PLXDC2: variants seen among roughly 807,000 people sequenced by gnomAD.
PLXDC2 encodes the protein plexin domain containing 2.
PLXDC2 carries 40 observed loss-of-function variants against 68.9 expected under a neutral mutation model. The observed-to-expected ratio is 0.58, with a 90% CI of 0.45 to 0.76. PLXDC2 has a LOEUF of 0.76. Among genes scored for constraint, PLXDC2 ranks in the 30% least tolerant of loss-of-function variants. PLXDC2 has a pLI of 0.00. For missense variants in PLXDC2, 644 were observed against 661.9 expected, an observed-to-expected ratio of 0.97 and a Z score of 0.30; for synonymous variants, 243 against 234.2, an observed-to-expected ratio of 1.04 and a Z score of -0.34.
At chr10:20,021,978 T>G (rs1835319572) in intron 2 of PLXDC2, among the ~76,000 whole-genome samples, 1 of 152,216 alleles carries the variant, frequency 6.6e-6, no homozygotes, top group Non-Finnish European at 1.5e-5. Flanking sequence ...ATTACAGGCG[T>G]GAGCCACCAC....
chr10:19,843,536 G>A lies in PLXDC2; in HGVS notation c.112+26345G>A, dbSNP rs116916567. Among the ~76,000 whole-genome samples, 382 of 152,210 alleles carry A rather than the reference G, an allele frequency of 2.5e-3. 8 individuals are homozygous for A. The East Asian group carries it at 0.055, about 22-fold the overall frequency. ...TTAGAAAATAAGAGAAGTGAGAAAT[G>A]TACAGGAAAAATAAGTAAATAACTA... On this transcript the variant is annotated intron_variant, in intron 1 of 13. Coordinates refer to ENST00000377252, the MANE Select transcript of PLXDC2 (RefSeq NM_032812.9).
At chr10:20,078,062 G>T (rs540267056) in intron 4 of PLXDC2, among the ~76,000 whole-genome samples, 7 of 152,032 alleles carry the variant, frequency 4.6e-5, no homozygotes, top group East Asian at 3.9e-4. Context: ...CATAAGCCAG[G>T]TTTACTGTTC....
At chr10:19,951,812 G>A (rs1247663935) in intron 1 of PLXDC2, among the ~76,000 whole-genome samples, 1 of 152,208 alleles carries the variant, frequency 6.6e-6, no homozygotes, top group East Asian at 1.9e-4. Context: ...CTACTACATA[G>A]CCATAAAAAA....
chr10:20,048,986 A>C (rs1280562697), intron 3 of PLXDC2, among the ~76,000 whole-genome samples: 1 of 152,040 alleles, frequency 6.6e-6, no homozygotes, highest in Admixed American at 6.6e-5. Flanking sequence ...GTTGTAACTT[A>C]CCTGGTGCTC....
intron 1 of PLXDC2, among the ~76,000 whole-genome samples, chr10:19,967,075 A>G (rs752094704): frequency 6.6e-6 from 1 of 152,236 alleles, no homozygotes; most frequent in African/African-American, 2.4e-5. Context: ...TGGAGCAGCC[A>G]ACCTTGTATA....
chr10:20,253,379 A>T (rs539423545), intron 13 of PLXDC2, among the ~76,000 whole-genome samples: 1 of 149,642 alleles, frequency 6.7e-6, no homozygotes, highest in African/African-American at 2.4e-5. Flanking sequence ...TGATAATAAT[A>T]ATAATAATAA....
At chr10:19,917,414 T>TCA (rs1833389071) in intron 1 of PLXDC2, among the ~76,000 whole-genome samples, 3 of 152,318 alleles carry the variant, frequency 2.0e-5, no homozygotes, top group Admixed American at 2.0e-4. Context: ...AAATTGAGCA[T>TCA]CAAAAGTATC....
chr10:20,060,420 A>G (rs1382671715), intron 3 of PLXDC2, among the ~76,000 whole-genome samples: 1 of 151,996 alleles, frequency 6.6e-6, no homozygotes, highest in Non-Finnish European at 1.5e-5. Context: ...TGTTTTATAC[A>G]TTTAGAAGAC....
chr10:20,238,696 C>CACATATATATGTATATATAT (rs1554777594), intron 12 of PLXDC2, among the ~76,000 whole-genome samples: 1 of 113,256 alleles, frequency 8.8e-6, no homozygotes, highest in African/African-American at 3.5e-5. Context: ...TATATATACA[C>CACATATATATGTATATATAT]ACATATATAT....
At position 19,998,817 on chromosome 10, in the gene PLXDC2, A is replaced by T. The variant is rs921946222; in HGVS notation, c.113-2958A>T. On this transcript the variant is annotated intron_variant, in intron 1 of 13. Coordinates refer to ENST00000377252, the MANE Select transcript of PLXDC2 (RefSeq NM_032812.9). The stretch of plus-strand genomic sequence containing the variant: ...ACGCTGCTAAACAGTGGGGGAAAAA[A>T]AAAATCAAACCTCAGCTGTCTAGAG... Among the ~76,000 whole-genome samples the T allele has an allele frequency of 1.4e-3, 208 of 152,182 alleles. 2 individuals are homozygous for T. Among genetic ancestry groups the T allele is most frequent in the Non-Finnish European group, 3.1e-4 (21 of 68,006 alleles).
chr10:19,982,460 T>C (rs1834566344), intron 1 of PLXDC2, among the ~76,000 whole-genome samples: 1 of 152,222 alleles, frequency 6.6e-6, no homozygotes, highest in Non-Finnish European at 1.5e-5. Context: ...AGGCTGCTCT[T>C]TGCAGCCTAA....
intron 1 of PLXDC2, among the ~76,000 whole-genome samples, chr10:19,854,228 C>G (rs1418564422): frequency 6.6e-6 from 1 of 152,214 alleles, no homozygotes; most frequent in Non-Finnish European, 1.5e-5. Flanking sequence ...ATCGGGACAT[C>G]ATATAAACTG....
At position 19,906,721 on chromosome 10, in the gene PLXDC2, A is replaced by C. The variant is rs187185501; in HGVS notation, c.112+89530A>C. The stretch of plus-strand genomic sequence containing the variant: ...TGAGTCAGAAGGCCCCAGCACCAAA[A>C]ATACAGATAATAAAGACATACTTAA... On this transcript the variant is annotated intron_variant, in intron 1 of 13. Coordinates refer to ENST00000377252, the MANE Select transcript of PLXDC2 (RefSeq NM_032812.9). Among the ~76,000 whole-genome samples the C allele has an allele frequency of 4.6e-5, 7 of 152,262 alleles. No homozygotes were observed. In the East Asian group the frequency reaches 1.4e-3, roughly 29 times the overall value.
At chr10:20,203,991 T>C (rs927887095) in intron 9 of PLXDC2, among the ~76,000 whole-genome samples, 1 of 151,152 alleles carries the variant, frequency 6.6e-6, no homozygotes, top group Non-Finnish European at 1.5e-5. Context: ...ACTTCATAAG[T>C]GATCCTACAA....
At chr10:19,848,886 G>A (rs74612122) in intron 1 of PLXDC2, among the ~76,000 whole-genome samples, 3,006 of 152,132 alleles carry the variant, frequency 0.02, 94 homozygotes, top group African/African-American at 0.068. Flanking sequence ...CAGAAAAGAC[G>A]ATTTCACTTC....
intron 13 of PLXDC2, among the ~76,000 whole-genome samples, chr10:20,273,214 G>T (rs375559473): frequency 6.6e-6 from 1 of 152,052 alleles, no homozygotes; most frequent in East Asian, 1.9e-4. Context: ...ACCAAAAAGT[G>T]CATTCATTCA....
intron 1 of PLXDC2, among the ~76,000 whole-genome samples, chr10:19,951,889 A>G (rs1025540919): frequency 1.3e-5 from 2 of 152,212 alleles, no homozygotes; most frequent in Non-Finnish European, 2.9e-5. Context: ...GCCAGTGAAT[A>G]CAGGAACAGA....
chr10:20,003,273 A>G (rs993519739), intron 2 of PLXDC2, among the ~76,000 whole-genome samples: 3 of 152,204 alleles, frequency 2.0e-5, no homozygotes, highest in African/African-American at 7.2e-5. Context: ...CAGTTTGCTC[A>G]GGCACGGCTT....
chr10:20,206,929 T>C (rs190287378), intron 9 of PLXDC2, among the ~76,000 whole-genome samples: 1 of 152,128 alleles, frequency 6.6e-6, no homozygotes, highest in African/African-American at 2.4e-5. Flanking sequence ...TCAAAAGTGA[T>C]TTTGGTTTAT....
Sources: gnomAD v4.1 joint callset for allele counts (sites outside exome capture counted in the v4.1 genomes callset) on GRCh38, gnomAD v4.1.1 for gene constraint, MANE v1.5 for transcripts, NCBI Gene and HGNC (gene_info 2026-07-23, HGNC 2026-07-21) for gene names.